Variants in SPAM1 observed in about 807,000 individuals in gnomAD.
SPAM1 encodes the protein hyaluronidase PH-20.
In SPAM1, 22 loss-of-function variants were observed where a neutral mutation model predicts 29.6. That is an observed-to-expected ratio of 0.74 (90% CI 0.53 to 1.06). The LOEUF (loss-of-function observed/expected upper bound fraction) is 1.06, where lower values mean the gene tolerates loss of function less well. Among genes scored for constraint, SPAM1 ranks in the 50% least tolerant of loss-of-function variants. The pLI, the probability that SPAM1 is intolerant of heterozygous loss-of-function variation, is 0.00. For synonymous variants in SPAM1, 194 were observed against 204.6 expected, an observed-to-expected ratio of 0.95 and a Z score of 0.44; for missense variants, 534 against 604.0, an observed-to-expected ratio of 0.88 and a Z score of 1.21.
chr7:123,951,153 T>C (rs1041780330), intron 2 of SPAM1, among the ~76,000 whole-genome samples: 4 of 152,172 alleles, frequency 2.6e-5, no homozygotes, highest in African/African-American at 9.6e-5. Flanking sequence ...AGATTCTGGG[T>C]ATTAATCCTT....
intron 1 of SPAM1, among the ~76,000 whole-genome samples, chr7:123,937,055 TG>T (rs576055634): frequency 8.0e-4 from 122 of 152,338 alleles, no homozygotes; most frequent in Admixed American, 3.7e-3. Context: ...TCAGTATCCA[TG>T]GCAAATATTT....
intron 1 of SPAM1, among the ~76,000 whole-genome samples, chr7:123,931,762 T>C (rs1024807335): frequency 1.3e-5 from 2 of 152,178 alleles, no homozygotes; most frequent in African/African-American, 4.8e-5. Context: ...AGCCACTTGA[T>C]GCATCCCTGA....
intron 1 of SPAM1, among the ~76,000 whole-genome samples, chr7:123,934,357 AT>A (rs1808186771): frequency 6.6e-6 from 1 of 152,154 alleles, no homozygotes; most frequent in Non-Finnish European, 1.5e-5. Flanking sequence ...GCTGGTGAGG[AT>A]ATGGAGAAAA....
At chr7:123,949,244 A>G (rs1186813071) in intron 1 of SPAM1, among the ~76,000 whole-genome samples, 2 of 152,116 alleles carry the variant, frequency 1.3e-5, no homozygotes, top group African/African-American at 4.8e-5. Context: ...CTATTTTCTA[A>G]CATTAAAATT....
At chr7:123,940,621 T>C (rs1315209071) in intron 1 of SPAM1, among the ~76,000 whole-genome samples, 2 of 152,066 alleles carry the variant, frequency 1.3e-5, no homozygotes, top group Non-Finnish European at 2.9e-5. Context: ...CCCCAGTAGC[T>C]GGTACTACAA....
intron 3 of SPAM1, among the ~76,000 whole-genome samples, chr7:123,954,767 C>CT (rs1238127286): frequency 1.3e-4 from 19 of 148,400 alleles, no homozygotes; most frequent in African/African-American, 2.2e-4. Context: ...AACTCAGTTT[C>CT]TTTTTTTTTT....
At chr7:123,935,389 G>A (rs1648897122) in intron 1 of SPAM1, among the ~76,000 whole-genome samples, 1 of 152,056 alleles carries the variant, frequency 6.6e-6, no homozygotes, top group Non-Finnish European at 1.5e-5. Context: ...TGAGATAGTT[G>A]CTTTATTGCC....
Position 123,949,994 on chromosome 7 carries a change from T to C in SPAM1, c.-207+11T>C, listed in dbSNP as rs1808707690. ...AAAGCAGACTTCTGGGTAAGTGTCA[T>C]TGTTTGGGTTTGGGGGATAGCAAAG... is the stretch of plus-strand genomic sequence containing the variant. On this transcript the variant is annotated intron_variant, in intron 2 of 4. Coordinates refer to ENST00000682466, the MANE Select transcript of SPAM1 (RefSeq NM_153189.3). 1 of 152,018 alleles carries C rather than the reference T, an allele frequency of 6.6e-6. No individual in the cohort carries two copies. 9.4% of individuals were successfully genotyped at this position (152,018 alleles called of 1,614,324 possible).
chr7:123,953,449 T>G lies in SPAM1; in HGVS notation c.-122T>G, dbSNP rs1266642158. On this transcript the variant is annotated 5_prime_UTR_variant, in exon 3 of 5. Coordinates refer to ENST00000682466, the MANE Select transcript of SPAM1 (RefSeq NM_153189.3). ...AAATGTAACTTAATCATTATACCTCTTTATCCATCAAAGTGAATTCATTCC... is the reference window on the plus strand; with the variant it reads ...AAATGTAACTTAATCATTATACCTCGTTATCCATCAAAGTGAATTCATTCC... The G allele has an allele frequency of 1.2e-5, 7 of 572,850 alleles. No homozygotes were observed. Among genetic ancestry groups the G allele is most frequent in the Non-Finnish European group, 2.1e-5 (7 of 327,660 alleles). The allele number at this position is 572,850 out of a possible 1,614,324, so 35.5% of individuals were successfully genotyped here.
intron 5 of SPAM1, among the ~76,000 whole-genome samples, chr7:123,968,534 A>T (rs1292377734): frequency 6.6e-6 from 1 of 151,982 alleles, no homozygotes; most frequent in East Asian, 1.9e-4. Flanking sequence ...CAGGTGGAGA[A>T]GCAGGTTTGG....
intron 1 of SPAM1, among the ~76,000 whole-genome samples, chr7:123,939,046 G>A (rs1808342583): frequency 6.7e-6 from 1 of 148,264 alleles, no homozygotes; most frequent in Admixed American, 6.7e-5. Flanking sequence ...AAGCTATTAT[G>A]TTTTTAATTA....
chr7:123,966,497 A>G (rs537588641), intron 5 of SPAM1, among the ~76,000 whole-genome samples: 1 of 152,216 alleles, frequency 6.6e-6, no homozygotes, highest in East Asian at 1.9e-4. Context: ...CTTATTCACA[A>G]TAGCAAAGAC....
downstream of SPAM1, among the ~76,000 whole-genome samples, chr7:123,962,687 T>A (rs919772156): frequency 2.0e-5 from 3 of 151,350 alleles, no homozygotes; most frequent in African/African-American, 4.9e-5. Flanking sequence ...AGTTGTAAAA[T>A]TTTTTTTTAT....
At chr7:123,961,737 A>G (rs780781560), downstream of SPAM1, among the ~76,000 whole-genome samples, 1 of 151,990 alleles carries the variant, frequency 6.6e-6, no homozygotes, top group Non-Finnish European at 1.5e-5. Context: ...GCTGATTAAG[A>G]CATATCCAAG....
At chr7:123,967,421 A>G (rs1792441146) in intron 5 of SPAM1, among the ~76,000 whole-genome samples, 1 of 152,058 alleles carries the variant, frequency 6.6e-6, no homozygotes. Flanking sequence ...TTTTTTCTAC[A>G]AGTAAATTAA....
At chr7:123,939,387 C>T (rs1316648559) in intron 1 of SPAM1, among the ~76,000 whole-genome samples, 2 of 151,944 alleles carry the variant, frequency 1.3e-5, no homozygotes, top group Non-Finnish European at 2.9e-5. Context: ...TGTCCGGCCT[C>T]AAGTCTTTAT....
intron 1 of SPAM1, among the ~76,000 whole-genome samples, chr7:123,940,696 A>G (rs992312986): frequency 2.6e-5 from 4 of 151,920 alleles, no homozygotes; most frequent in Non-Finnish European, 2.9e-5. Context: ...GGGTCTTCCT[A>G]TGTTGCCCAG....
chr7:123,952,036 T>C (rs1473387675), intron 2 of SPAM1, among the ~76,000 whole-genome samples: 1 of 152,154 alleles, frequency 6.6e-6, no homozygotes, highest in Non-Finnish European at 1.5e-5. Flanking sequence ...TTTATTCCAT[T>C]TCCTTTTCCC....
At chr7:123,932,355 C>T (rs1474139599) in intron 1 of SPAM1, 1 of 152,180 alleles carries the variant, frequency 6.6e-6, no homozygotes, top group East Asian at 1.9e-4. Context: ...GATTCCTTAC[C>T]CCCATCTCTG....
Sources: allele counts gnomAD v4.1 joint callset (sites outside exome capture counted in the v4.1 genomes callset), GRCh38; gene constraint gnomAD v4.1.1; transcripts MANE v1.5; gene names NCBI Gene and HGNC (gene_info 2026-07-23, HGNC 2026-07-21).